Variants in CUL3 observed in about 807,000 individuals in gnomAD.
CUL3 encodes cullin-3.
In CUL3, 19 loss-of-function variants were observed where a neutral mutation model predicts 89.1. The ratio of observed to expected loss-of-function variants is 0.21; its 90% CI spans 0.15 to 0.31. The LOEUF is 0.31. Among genes scored for constraint, CUL3 ranks in the 10% least tolerant of loss-of-function variants. The pLI is 1.00. For synonymous variants in CUL3, 351 were observed against 308.4 expected (o/e 1.14, Z -1.45); for missense variants, 469 against 942.3 (o/e 0.50, Z 6.58).
At position 224,511,349 on chromosome 2, in the gene CUL3, C is replaced by A; in HGVS notation, c.883+5G>T. Reference sequence around the variant, plus strand: ...TTTAATTATTTTTCAATCGGTAACACTTACCTTCTGTCTTTCCATTTTTCA... The same window carrying A: ...TTTAATTATTTTTCAATCGGTAACAATTACCTTCTGTCTTTCCATTTTTCA... On this transcript the variant is annotated splice_donor_5th_base_variant and intron_variant, in intron 6 of 15. Coordinates refer to ENST00000264414, the MANE Select transcript of CUL3 (RefSeq NM_003590.5). 2 of 1,579,938 alleles carry A rather than the reference C, an allele frequency of 1.3e-6. No homozygotes were observed. The highest frequency in any genetic ancestry group is 1.7e-6 in the Non-Finnish European group (2 of 1,155,078).
chr2:224,500,536 C>T, intron 10 of CUL3, 49 bp from the exon 11 acceptor site: 3 of 1,588,724 alleles, frequency 1.9e-6, no homozygotes, highest in Non-Finnish European at 8.6e-7. Context: ...CTAGGATTTG[C>T]TTTCTGTTCT....
chr2:224,576,272 C>G (rs1405479480), intron 1 of CUL3, among the ~76,000 whole-genome samples: 9 of 152,152 alleles, frequency 5.9e-5, no homozygotes, highest in Non-Finnish European at 1.0e-4. Flanking sequence ...ATGCGAAGAA[C>G]AGTCATGGTG....
Position 224,480,859 on chromosome 2 carries a change from T to A in CUL3, c.2029+1033A>T, listed in dbSNP as rs1289346755. On this transcript the variant is annotated intron_variant, in intron 14 of 15. Coordinates refer to ENST00000264414, the MANE Select transcript of CUL3 (RefSeq NM_003590.5). ...TAGCACAGTTTTGTTTTATTCTTAA[T>A]ATATATTTATGTCAAGACATGGGCC... 2.0e-5 allele frequency among the ~76,000 whole-genome samples: 3 copies of A among 152,136 alleles called. No homozygotes were observed. In the East Asian group the frequency reaches 5.8e-4, roughly 29 times the overall value.
chr2:224,583,059 T>G (rs1030994774), intron 1 of CUL3, among the ~76,000 whole-genome samples: 8 of 152,170 alleles, frequency 5.3e-5, no homozygotes, highest in Non-Finnish European at 1.2e-4. Flanking sequence ...TTGAGTAGTG[T>G]AAGGCTGCAC....
intron 1 of CUL3, among the ~76,000 whole-genome samples, chr2:224,576,679 GA>G (rs1285621148): frequency 1.3e-4 from 6 of 44,688 alleles, no homozygotes; most frequent in Non-Finnish European, 1.6e-4. Flanking sequence ...GTTCAGGAGT[GA>G]AAAAAAAGGG....
intron 2 of CUL3, among the ~76,000 whole-genome samples, chr2:224,538,541 C>A (rs2106269644): frequency 6.6e-6 from 1 of 152,170 alleles, no homozygotes; most frequent in East Asian, 1.9e-4. Context: ...ACTTTCTGCA[C>A]CAGCAAGGCA....
chr2:224,525,525 G>A (rs1429541075), intron 3 of CUL3, among the ~76,000 whole-genome samples: 1 of 152,050 alleles, frequency 6.6e-6, no homozygotes, highest in Admixed American at 6.6e-5. Flanking sequence ...TATGTATTTG[G>A]AAAAACATTT....
At chr2:224,535,164 G>C (rs893604203) in intron 3 of CUL3, among the ~76,000 whole-genome samples, 4 of 152,090 alleles carry the variant, frequency 2.6e-5, no homozygotes, top group Non-Finnish European at 4.4e-5. Context: ...AACTAAGTTA[G>C]ACAGAAAGTC....
intron 1 of CUL3, among the ~76,000 whole-genome samples, chr2:224,568,815 A>G (rs574563096): frequency 2.2e-4 from 33 of 152,342 alleles, no homozygotes; most frequent in Middle Eastern, 6.8e-3. Flanking sequence ...TACATATCAA[A>G]TGAAATGGGC....
intron 15 of CUL3, among the ~76,000 whole-genome samples, chr2:224,477,055 G>C (rs547352521): frequency 6.6e-6 from 1 of 151,272 alleles, no homozygotes; most frequent in South Asian, 2.1e-4. Flanking sequence ...TATTCAACTT[G>C]GTTTTTCCAT....
chr2:224,540,477 A>G (rs569178866), intron 2 of CUL3, among the ~76,000 whole-genome samples: 1 of 152,194 alleles, frequency 6.6e-6, no homozygotes, highest in African/African-American at 2.4e-5. Context: ...AAGAAGAAAT[A>G]TTTGGGGACC....
intron 3 of CUL3, among the ~76,000 whole-genome samples, chr2:224,530,148 A>G (rs1200691810): frequency 1.3e-5 from 2 of 152,158 alleles, no homozygotes; most frequent in Non-Finnish European, 2.9e-5. Context: ...CTGAGGCAGG[A>G]GAATGGCGTG....
chr2:224,529,795 C>T lies in CUL3; in HGVS notation c.378+5733G>A, dbSNP rs183730663. Among the ~76,000 whole-genome samples the T allele has an allele frequency of 9.9e-4, 150 of 152,140 alleles. 1 individual carries two copies. Among genetic ancestry groups the T allele is most frequent in the Admixed American group, 8.9e-3 (136 of 15,288 alleles). The stretch of plus-strand genomic sequence containing the variant: ...GATGTAGAGTTGATTTTTGCAACAC[C>T]GAACCTGCCAAACAACAAAGTTATG... On this transcript the variant is annotated intron_variant, in intron 3 of 15. Transcript: ENST00000264414.
chr2:224,511,841 T>C (rs751843777), intron 5 of CUL3, among the ~76,000 whole-genome samples: 11 of 152,248 alleles, frequency 7.2e-5, no homozygotes, highest in South Asian at 2.1e-4. Context: ...CTCCAAAAAA[T>C]AGCAGAACAA....
chr2:224,585,142 C>G lies in CUL3; in HGVS notation c.-133G>C. ...GCGACCCCCGGGCAGGGCTGGGGAG[C>G]TGGCCGGCCCCTGGGCAGCCGCGGC... On this transcript the variant is annotated 5_prime_UTR_variant, in exon 1 of 16. Transcript: ENST00000264414. The G allele has an allele frequency of 1.9e-6, 1 of 520,710 alleles. No individual in the cohort carries two copies. The highest frequency in any genetic ancestry group is 2.6e-6 in the Non-Finnish European group (1 of 383,560). The allele number at this position is 520,710 out of a possible 1,614,324, so 32.3% of individuals were successfully genotyped here.
At chr2:224,505,875 C>G (rs2106202174) in intron 8 of CUL3, 81 bp downstream of exon 8, 3 of 935,268 alleles carry the variant, frequency 3.2e-6, no homozygotes, top group Non-Finnish European at 4.5e-6. Context: ...TAATTTTTAT[C>G]TGTGAAATGT....
intron 8 of CUL3, 158 bp downstream of exon 8, chr2:224,505,798 C>G (rs1388565791): frequency 4.8e-6 from 2 of 416,246 alleles, no homozygotes; most frequent in Non-Finnish European, 8.2e-6. Flanking sequence ...TTGGGCATGT[C>G]AAGTATTTCA....
At chr2:224,517,560 C>T (rs1693104576) in intron 3 of CUL3, among the ~76,000 whole-genome samples, 1 of 152,178 alleles carries the variant, frequency 6.6e-6, no homozygotes, top group African/African-American at 2.4e-5. Context: ...GTAGTCCCAG[C>T]TACTCGGGAG....
rs1434515511 is a variant in CUL3, at chr2:224,470,977, G to C, written c.*3268C>G. On this transcript the variant is annotated 3_prime_UTR_variant, in exon 16 of 16. Transcript: ENST00000264414. ...CAACCTTGGACAACACTGGTATAAT[G>C]ACAGTTATGTCACATAAAGCCAATA... 8.7e-6 allele frequency: 2 copies of C among 228,662 alleles called. No homozygotes were observed. Among genetic ancestry groups the C allele is most frequent in the African/African-American group, 4.4e-5 (2 of 45,122 alleles). 14.2% of individuals were successfully genotyped at this position (228,662 alleles called of 1,614,324 possible). A position where few individuals can be genotyped will look rare whatever the true frequency, so the allele number is the denominator to read the frequency against.
Sources: allele counts gnomAD v4.1 joint callset (sites outside exome capture counted in the v4.1 genomes callset), GRCh38; gene constraint gnomAD v4.1.1; transcripts MANE v1.5; gene names NCBI Gene and HGNC (gene_info 2026-07-23, HGNC 2026-07-21).